DPP10: variants seen among roughly 807,000 people sequenced by gnomAD.
DPP10 encodes dipeptidyl peptidase like 10.
A neutral mutation model predicts 120.9 loss-of-function variants in DPP10; 33 were observed. The ratio of observed to expected loss-of-function variants is 0.27; its 90% CI spans 0.21 to 0.37. The LOEUF is 0.37. Ranked by LOEUF, DPP10 falls within the 10% of genes least tolerant of loss-of-function variation. The pLI is 1.00. For missense variants in DPP10, 816 were observed against 942.8 expected (o/e 0.87, Z 1.76); for synonymous variants, 337 against 326.1 (o/e 1.03, Z -0.36).
intron 3 of DPP10, among the ~76,000 whole-genome samples, chr2:115,472,058 A>T (rs1313011289): frequency 6.6e-6 from 1 of 152,290 alleles, no homozygotes; most frequent in East Asian, 1.9e-4. Context: ...TAAAAAAATA[A>T]AAAAACATTC....
intron 1 of DPP10, among the ~76,000 whole-genome samples, chr2:115,189,522 C>T (rs1434625808): frequency 1.3e-5 from 2 of 152,148 alleles, no homozygotes; most frequent in African/African-American, 4.8e-5. Flanking sequence ...CAAAGAATAA[C>T]AGAGCTGAAC....
intron 1 of DPP10, among the ~76,000 whole-genome samples, chr2:114,663,228 T>G (rs747486663): frequency 7.5e-5 from 11 of 146,558 alleles, no homozygotes; most frequent in Non-Finnish European, 1.4e-4. Context: ...ATGTGTATAT[T>G]AAGAGCCTTG....
chr2:115,007,000 G>C (rs4514881), intron 1 of DPP10, among the ~76,000 whole-genome samples: 148,404 of 151,966 alleles, frequency 0.98, 72,567 homozygotes, highest in Middle Eastern at 1. Flanking sequence ...TAAAAGAACA[G>C]AAATTATAAC....
chr2:115,798,655 A>G (rs1223915583), intron 19 of DPP10, among the ~76,000 whole-genome samples: 1 of 152,122 alleles, frequency 6.6e-6, no homozygotes, highest in African/African-American at 2.4e-5. Context: ...ACTAAAAATT[A>G]CAGGGCTTCT....
At chr2:115,609,188 A>G (rs1006242718) in intron 5 of DPP10, among the ~76,000 whole-genome samples, 1 of 152,204 alleles carries the variant, frequency 6.6e-6, no homozygotes, top group Non-Finnish European at 1.5e-5. Flanking sequence ...AGAAGACATT[A>G]AATAAGCATC....
At position 114,731,225 on chromosome 2, in the gene DPP10, CT is replaced by C. The variant is rs199539150; in HGVS notation, c.60+288399del. Among the ~76,000 whole-genome samples the C allele has an allele frequency of 6.9e-3, 958 of 138,836 alleles. 3 individuals carry two copies. Among genetic ancestry groups the C allele is most frequent in the South Asian group, 0.011 (45 of 4,280 alleles). 91.1% of individuals were successfully genotyped at this position (138,836 alleles called of 152,430 possible). ...GCCAAACCTCCCCTCTCACTTGAGG[CT>C]TTTTTTTTTTTGAAGTATGTTAATA... On this transcript the variant is annotated intron_variant, in intron 1 of 25. Transcript: ENST00000410059.
Position 115,486,950 on chromosome 2 carries a change from T to C in DPP10, c.272-12560T>C, listed in dbSNP as rs561909117. Reference sequence around the variant, plus strand: ...GGATCGGCACTTCCACAAGAATTAATAATGATTACTTACAATTATGATGAC... The same window carrying C: ...GGATCGGCACTTCCACAAGAATTAACAATGATTACTTACAATTATGATGAC... On this transcript the variant is annotated intron_variant, in intron 3 of 25. Transcript: ENST00000410059. 5.9e-5 allele frequency among the ~76,000 whole-genome samples: 9 copies of C among 152,266 alleles called. No homozygotes were observed. In the South Asian group the frequency reaches 1.9e-3, roughly 32 times the overall value.
At chr2:115,188,556 A>G (rs12624162) in intron 1 of DPP10, among the ~76,000 whole-genome samples, 18,468 of 152,240 alleles carry the variant, frequency 0.12, 1,327 homozygotes, top group African/African-American at 0.19. Flanking sequence ...ATAAAATACA[A>G]TAAACGAAAT....
At chr2:114,652,015 A>G (rs979955149) in intron 1 of DPP10, among the ~76,000 whole-genome samples, 29 of 151,918 alleles carry the variant, frequency 1.9e-4, no homozygotes, top group Admixed American at 1.7e-3. Flanking sequence ...CGTGAACCCC[A>G]CTCTGATTAG....
At chr2:114,713,245 C>T (rs1701139556) in intron 1 of DPP10, among the ~76,000 whole-genome samples, 1 of 152,130 alleles carries the variant, frequency 6.6e-6, no homozygotes, top group African/African-American at 2.4e-5. Flanking sequence ...CCTTCAGCTT[C>T]CCAAAGTGCT....
chr2:115,777,026 A>G (rs1682182289), intron 13 of DPP10, among the ~76,000 whole-genome samples, 182 bp from the exon 14 acceptor site: 3 of 152,168 alleles, frequency 2.0e-5, no homozygotes, highest in Admixed American at 6.6e-5. Context: ...GAAGGCACTA[A>G]CCTACCTGCC....
chr2:114,527,273 T>C (rs1215106460), intron 1 of DPP10, among the ~76,000 whole-genome samples: 1 of 152,214 alleles, frequency 6.6e-6, no homozygotes, highest in Non-Finnish European at 1.5e-5. Flanking sequence ...TAATTCCCTC[T>C]ATCTCTCTAT....
At chr2:115,804,454 C>T (rs1311438635) in intron 19 of DPP10, among the ~76,000 whole-genome samples, 1 of 152,240 alleles carries the variant, frequency 6.6e-6, no homozygotes, top group East Asian at 1.9e-4. Context: ...CTCCATGCAG[C>T]TTCGTTCCGT....
intron 5 of DPP10, among the ~76,000 whole-genome samples, chr2:115,651,295 A>G (rs1232644073): frequency 2.0e-5 from 3 of 152,102 alleles, no homozygotes; most frequent in Admixed American, 6.6e-5. Context: ...TAGTCTTTCT[A>G]GTTGGTAAAT....
intron 3 of DPP10, among the ~76,000 whole-genome samples, chr2:115,483,437 G>GTCTATCTATCTATCTA (rs1239559179): frequency 1.4e-5 from 2 of 145,670 alleles, no homozygotes; most frequent in African/African-American, 5.2e-5. Flanking sequence ...CTATCTGTCT[G>GTCTATCTATCTATCTA]TCTATCTATC....
intron 7 of DPP10, among the ~76,000 whole-genome samples, chr2:115,693,429 A>G (rs1396358438): frequency 6.6e-6 from 1 of 152,124 alleles, no homozygotes; most frequent in Non-Finnish European, 1.5e-5. Context: ...GAACAAACCA[A>G]ATTCCAGAAC....
At chr2:115,370,006 G>T (rs866328133) in intron 3 of DPP10, among the ~76,000 whole-genome samples, 4 of 152,208 alleles carry the variant, frequency 2.6e-5, no homozygotes, top group South Asian at 2.1e-4. Context: ...AGACATGTCT[G>T]TGGAGCTGTG....
chr2:115,592,871 G>T (rs966931463), intron 5 of DPP10, among the ~76,000 whole-genome samples: 1 of 152,176 alleles, frequency 6.6e-6, no homozygotes, highest in African/African-American at 2.4e-5. Flanking sequence ...AGATACCTTT[G>T]CAAGGCCACT....
chr2:114,945,037 T>G (rs60704474), intron 1 of DPP10, among the ~76,000 whole-genome samples: 2,350 of 152,250 alleles, frequency 0.015, 65 homozygotes, highest in African/African-American at 0.054. Flanking sequence ...AGTGTCCATA[T>G]GCAAAAACCA....
Sources: allele counts gnomAD v4.1 joint callset (sites outside exome capture counted in the v4.1 genomes callset), GRCh38; gene constraint gnomAD v4.1.1; transcripts MANE v1.5; gene names NCBI Gene and HGNC (gene_info 2026-07-23, HGNC 2026-07-21).